TLCD3B: variants seen among roughly 807,000 people sequenced by gnomAD.
TLCD3B encodes the protein ceramide synthase.
Under a neutral mutation model 23.0 loss-of-function variants are expected in TLCD3B, and 9 were observed. The ratio of observed to expected loss-of-function variants is 0.39; its 90% CI spans 0.24 to 0.68. The LOEUF (loss-of-function observed/expected upper bound fraction) is 0.68. TLCD3B is among the 30% of genes least tolerant of loss of function. The pLI is 0.44. For synonymous variants in TLCD3B, 161 were observed against 161.0 expected, an observed-to-expected ratio of 1.00 and a Z score of 0.00; for missense variants, 307 against 371.8, an observed-to-expected ratio of 0.83 and a Z score of 1.43.
chr16:30,030,398 T>C lies in TLCD3B; in HGVS notation c.125+5A>G. 1.3e-6 allele frequency: 2 copies of C among 1,563,448 alleles called. No homozygotes were observed. Among genetic ancestry groups the C allele is most frequent in the South Asian group, 2.4e-5 (2 of 83,084 alleles). On this transcript the variant is annotated splice_donor_5th_base_variant and intron_variant, in intron 1 of 4. Transcript: ENST00000380495. ...CAGGGGCTGAGGGGAAAGAAAGTGGTTTACCTGGCTGAGACAATGACTGCG... is the reference window on the plus strand; with the variant it reads ...CAGGGGCTGAGGGGAAAGAAAGTGGCTTACCTGGCTGAGACAATGACTGCG...
At position 30,030,648 on chromosome 16, in the gene TLCD3B, A is replaced by C; in HGVS notation, c.-121T>G. 23 of 1,125,624 alleles carry C rather than the reference A, an allele frequency of 2.0e-5. No individual in the cohort carries two copies. In the East Asian group the frequency reaches 2.5e-4, roughly 12 times the overall value. 69.7% of individuals were successfully genotyped at this position (1,125,624 alleles called of 1,614,324 possible). ...GGGAAGGAGGGAGAAAACGATGAGA[A>C]GGGGCACAAAGGGGCCAGGGCGGGG... On this transcript the variant is annotated 5_prime_UTR_variant, in exon 1 of 5. Coordinates refer to ENST00000380495, the MANE Select transcript of TLCD3B (RefSeq NM_031478.6).
chr16:30,036,343 C>T, intron 3 of TLCD3B: 2 of 1,288,718 alleles, frequency 1.6e-6, no homozygotes, highest in Non-Finnish European at 2.0e-6. Flanking sequence ...ATAACAGGTG[C>T]AAGCCTGAAA....
intron 2 of TLCD3B, among the ~76,000 whole-genome samples, chr16:30,042,076 A>G (rs527239648): frequency 6.6e-6 from 1 of 152,304 alleles, no homozygotes; most frequent in South Asian, 2.1e-4. Context: ...CGAAAGTTTA[A>G]TAACACAGAT....
At position 30,029,984 on chromosome 16, in the gene TLCD3B, C is replaced by T. The variant is rs571780065; in HGVS notation, c.125+419G>A. 3.1e-4 allele frequency: 400 copies of T among 1,292,682 alleles called. 2 individuals are homozygous for T. In the African/African-American group the frequency reaches 4.7e-3, roughly 15 times the overall value. The allele number at this position is 1,292,682 out of a possible 1,614,324, so 80.1% of individuals were successfully genotyped here. ...GTCTCCTGACTGCCACCAGCCTCCA[C>T]TCTGCACTCTGGCCCTGTTCTAGGG... On this transcript the variant is annotated intron_variant, in intron 1 of 4. Coordinates refer to ENST00000380495, the MANE Select transcript of TLCD3B (RefSeq NM_031478.6). This position sits in a 1 kb window ranked among gnomAD's most constrained non-coding sequence, Gnocchi z 4.6.
At chr16:30,051,013 C>A (rs1196625683) in intron 1 of TLCD3B, among the ~76,000 whole-genome samples, 2 of 152,020 alleles carry the variant, frequency 1.3e-5, no homozygotes, top group African/African-American at 4.8e-5. Context: ...ACGGGGAGGT[C>A]TGAGTGCCTT....
chr16:30,034,269 C>T (rs1379890204), upstream of TLCD3B, among the ~76,000 whole-genome samples: 1 of 150,968 alleles, frequency 6.6e-6, no homozygotes, highest in African/African-American at 2.4e-5. Context: ...CACAGTGAGA[C>T]TCTGTCTCAA....
intron 2 of TLCD3B, among the ~76,000 whole-genome samples, chr16:30,042,943 A>G (rs2071600484): frequency 6.6e-6 from 1 of 151,766 alleles, no homozygotes; most frequent in African/African-American, 2.4e-5. Flanking sequence ...CTAAAAATAC[A>G]AAAAAAATTA....
chr16:30,029,364 G>T lies in TLCD3B; in HGVS notation c.209+68C>A. 7.2e-7 allele frequency: 1 copy of T among 1,398,210 alleles called. No individual in the cohort carries two copies. Among genetic ancestry groups the T allele is most frequent in the Non-Finnish European group, 1.0e-6 (1 of 992,758 alleles). 86.6% of individuals were successfully genotyped at this position (1,398,210 alleles called of 1,614,324 possible). ...GACAGAGTTCCCTCCAAGATGTGGG[G>T]TCTTCCGGGATTACCCGTACACGCC... On this transcript the variant is annotated intron_variant, in intron 2 of 4. Transcript: ENST00000380495. This position sits in a 1 kb window ranked among gnomAD's most constrained non-coding sequence, Gnocchi z 4.6.
intron 2 of TLCD3B, among the ~76,000 whole-genome samples, chr16:30,045,405 G>C (rs534326764): frequency 1.4e-5 from 2 of 142,694 alleles, no homozygotes; most frequent in East Asian, 2.2e-4. Context: ...GGTGTGTGTG[G>C]TGTGTGGTGT....
chr16:30,036,136 C>T (rs1254595550), upstream of TLCD3B: 11 of 1,272,470 alleles, frequency 8.6e-6, no homozygotes, highest in East Asian at 2.8e-4. Context: ...GTCACCTCTA[C>T]CTTCTCCCCA....
chr16:30,038,441 C>T (rs1042452936), intron 3 of TLCD3B, among the ~76,000 whole-genome samples: 1 of 152,024 alleles, frequency 6.6e-6, no homozygotes, highest in Non-Finnish European at 1.5e-5. Flanking sequence ...CCACAGAGTG[C>T]GACTCCGTCT....
upstream of TLCD3B, chr16:30,035,114 G>A (rs1425203588): frequency 3.6e-6 from 1 of 281,272 alleles, no homozygotes; most frequent in East Asian, 1.0e-4. Context: ...GTTTCACCAT[G>A]TTGGCCAGGC....
At position 30,025,683 on chromosome 16, in the gene TLCD3B, T is replaced by C. The variant is rs974587649; in HGVS notation, c.540+43A>G. 1.9e-6 allele frequency: 3 copies of C among 1,590,950 alleles called. No homozygotes were observed. Among genetic ancestry groups the C allele is most frequent in the Non-Finnish European group, 1.7e-6 (2 of 1,159,318 alleles). On this transcript the variant is annotated intron_variant, in intron 4 of 4. Transcript: ENST00000380495. This position sits in a 1 kb window ranked among gnomAD's most constrained non-coding sequence, Gnocchi z 4.1. ...ACCTTGAAGGTCCCTCCCCTTCCTGTGACCTCCCCATTGGGCTCCTGCACC... is the reference window on the plus strand; with the variant it reads ...ACCTTGAAGGTCCCTCCCCTTCCTGCGACCTCCCCATTGGGCTCCTGCACC...
At chr16:30,028,334 C>T (rs1307630948) in intron 2 of TLCD3B, among the ~76,000 whole-genome samples, 2 of 152,088 alleles carry the variant, frequency 1.3e-5, no homozygotes, top group African/African-American at 4.8e-5. Context: ...TCCCCACCTA[C>T]CTGAGGATTA....
upstream of TLCD3B, among the ~76,000 whole-genome samples, chr16:30,032,138 C>G (rs1438370546): frequency 1.3e-5 from 2 of 152,160 alleles, no homozygotes; most frequent in African/African-American, 4.8e-5. Flanking sequence ...CTGGTGCAAG[C>G]TCCTCACTGG....
intron 2 of TLCD3B, among the ~76,000 whole-genome samples, chr16:30,045,172 A>AT (rs2071643023): frequency 6.6e-6 from 1 of 151,492 alleles, no homozygotes; most frequent in Admixed American, 6.6e-5. Context: ...CTGGCAGCAA[A>AT]TTGAGAGTTT....
At chr16:30,035,416 G>A (rs1163152261), upstream of TLCD3B, 11 of 1,289,512 alleles carry the variant, frequency 8.5e-6, no homozygotes, top group Non-Finnish European at 9.1e-6. Context: ...GCAAGCCCCA[G>A]CGCAGGGCAG....
At chr16:30,027,480 C>A in intron 2 of TLCD3B, 1 of 435,442 alleles carries the variant, frequency 2.3e-6, no homozygotes, top group Non-Finnish European at 4.7e-6. Flanking sequence ...TCATCCCCAC[C>A]ATCCCCAGAA....
In TLCD3B at chr16:30,030,594, G is replaced by C; in HGVS notation, c.-67C>G. The C allele has an allele frequency of 6.8e-7, 1 of 1,466,436 alleles. No homozygotes were observed. The highest frequency in any genetic ancestry group is 1.4e-5 in the South Asian group (1 of 72,226). The allele number at this position is 1,466,436 out of a possible 1,614,324, so 90.8% of individuals were successfully genotyped here. ...GGGGCAGGGAGGCCGAGTGGAAGGA[G>C]TTAGGGGTGGAGAAGGGACGCCAAG... On this transcript the variant is annotated 5_prime_UTR_variant, in exon 1 of 5. Transcript: ENST00000380495.
Sources: gnomAD v4.1 joint callset for allele counts (sites outside exome capture counted in the v4.1 genomes callset) on GRCh38, gnomAD v4.1.1 for gene constraint, Gnocchi (gnomAD v3.1) non-coding constraint, MANE v1.5 for transcripts, NCBI Gene and HGNC (gene_info 2026-07-23, HGNC 2026-07-21) for gene names.